The following PCDHA9 variants were observed in gnomAD, a reference collection of about 807,000 sequenced individuals.
PCDHA9 encodes the protein protocadherin alpha-9.
PCDHA9 carries 62 observed loss-of-function variants against 62.0 expected under a neutral mutation model. That is an observed-to-expected ratio of 1.00 (90% CI 0.81 to 1.23). PCDHA9 has a LOEUF of 1.23. PCDHA9 is among the 50% of genes most tolerant of loss of function. PCDHA9 has a pLI of 0.00. For synonymous variants in PCDHA9, 557 were observed against 567.6 expected, an observed-to-expected ratio of 0.98 and a Z score of 0.27; for missense variants, 1,205 against 1,249.8, an observed-to-expected ratio of 0.96 and a Z score of 0.54.
rs114173550 is a variant in PCDHA9, at chr5:140,996,928, G to T, written c.2543-12699G>T. Among the ~76,000 whole-genome samples the T allele has an allele frequency of 1.8e-3, 279 of 152,148 alleles. 1 individual carries two copies. Among genetic ancestry groups the T allele is most frequent in the Non-Finnish European group, 3.0e-3 (203 of 67,996 alleles). ...GTTGAAGTAAATATTAAAAAATATA[G>T]CATTTTTGCATAGAAATATTTATTT... On this transcript the variant is annotated intron_variant, in intron 3 of 3. Coordinates refer to ENST00000532602, the MANE Select transcript of PCDHA9 (RefSeq NM_031857.2).
intron 1 of PCDHA9, among the ~76,000 whole-genome samples, chr5:140,942,619 T>TA (rs35075175): frequency 5.6e-4 from 83 of 148,996 alleles, no homozygotes; most frequent in Non-Finnish European, 6.7e-4. Flanking sequence ...TTGCCAATTG[T>TA]AAAAAAAAAA....
At chr5:140,944,880 C>T (rs1275494519) in intron 1 of PCDHA9, among the ~76,000 whole-genome samples, 1 of 152,150 alleles carries the variant, frequency 6.6e-6, no homozygotes, top group Non-Finnish European at 1.5e-5. Flanking sequence ...ACCTACTCCA[C>T]TGTACAGTTC....
intron 1 of PCDHA9, 186 bp downstream of exon 1, chr5:140,851,075 A>C: frequency 7.4e-7 from 1 of 1,344,688 alleles, no homozygotes; most frequent in South Asian, 2.1e-5. Flanking sequence ...GAGAATTATA[A>C]ACTGTATATT....
At chr5:141,006,105 G>GT (rs79904017) in intron 3 of PCDHA9, among the ~76,000 whole-genome samples, 4,283 of 143,138 alleles carry the variant, frequency 0.03, 125 homozygotes, top group African/African-American at 0.081. Flanking sequence ...ATGGTAAGGA[G>GT]TTTTTTTTTT....
At chr5:140,984,433 T>C (rs2097103477) in intron 3 of PCDHA9, among the ~76,000 whole-genome samples, 1 of 152,182 alleles carries the variant, frequency 6.6e-6, no homozygotes, top group East Asian at 1.9e-4. Flanking sequence ...GAAGGGGATC[T>C]CCCTTGTTCC....
intron 3 of PCDHA9, among the ~76,000 whole-genome samples, chr5:141,007,362 G>A (rs1554261189): frequency 6.8e-6 from 1 of 146,590 alleles, no homozygotes; most frequent in Non-Finnish European, 1.5e-5. Context: ...ACCAGCCTGG[G>A]CAACATGATG....
intron 1 of PCDHA9, chr5:140,883,589 G>A (rs782300348): frequency 1.9e-6 from 3 of 1,614,014 alleles, no homozygotes; most frequent in East Asian, 2.2e-5. Context: ...CACGGCCAGC[G>A]TGTCGGTGGG....
At chr5:140,876,568 G>C (rs1302204057) in intron 1 of PCDHA9, 2 of 1,614,046 alleles carry the variant, frequency 1.2e-6, no homozygotes, top group African/African-American at 1.3e-5. Context: ...TGCTCAGGTG[G>C]GTACCGTCAT....
At chr5:140,863,267 C>T in intron 1 of PCDHA9, 1 of 1,457,902 alleles carries the variant, frequency 6.9e-7, no homozygotes, top group Non-Finnish European at 9.3e-7. Flanking sequence ...CGGGAGGCAG[C>T]GCTGGTGGAT....
intron 1 of PCDHA9, chr5:140,870,414 G>T: frequency 6.2e-7 from 1 of 1,614,230 alleles, no homozygotes; most frequent in Non-Finnish European, 8.5e-7. Context: ...TGTGGGCCAC[G>T]GCCAGGGTAT....
intron 1 of PCDHA9, among the ~76,000 whole-genome samples, chr5:140,908,762 C>T (rs962553584): frequency 7.9e-5 from 12 of 152,104 alleles, no homozygotes; most frequent in Admixed American, 2.6e-4. Flanking sequence ...ACAGCCTGGA[C>T]GTGTTGTAGA....
At chr5:140,977,227 A>G (rs149467858) in intron 1 of PCDHA9, among the ~76,000 whole-genome samples, 4 of 152,288 alleles carry the variant, frequency 2.6e-5, no homozygotes, top group African/African-American at 7.2e-5. Context: ...ATGTTACCCA[A>G]TCATAGAAAA....
Position 141,010,222 on chromosome 5 carries a change from C to T in PCDHA9, c.*285C>T. 6.4e-7 allele frequency: 1 copy of T among 1,551,730 alleles called. No homozygotes were observed. The highest frequency in any genetic ancestry group is 2.4e-5 in the East Asian group (1 of 40,912). ...CCTCCGCCGCAAAGGAGAGGCTTCC[C>T]AGCCCCGCCAGTGAGAGGTTGGACT... On this transcript the variant is annotated 3_prime_UTR_variant, in exon 4 of 4. Transcript: ENST00000532602.
At chr5:140,923,151 T>A (rs1239888412) in intron 1 of PCDHA9, among the ~76,000 whole-genome samples, 3 of 152,108 alleles carry the variant, frequency 2.0e-5, no homozygotes, top group Non-Finnish European at 4.4e-5. Context: ...ATAAAAAAAA[T>A]TATAGAAAGA....
At chr5:140,964,866 C>A (rs2095858965) in intron 1 of PCDHA9, among the ~76,000 whole-genome samples, 1 of 152,132 alleles carries the variant, frequency 6.6e-6, no homozygotes, top group Non-Finnish European at 1.5e-5. Flanking sequence ...ACAAAGAGGA[C>A]AAATAAGAAG....
Position 140,849,909 on chromosome 5 carries a change from T to A in PCDHA9, c.1414T>A (p.Cys472Ser). ...VFVKENNPPG[C>S]HIFTVSARDA... ...CGTGAAGGAGAACAACCCGCCGGGC[T>A]GCCACATCTTCACGGTGTCTGCGCG... The change falls in exon 1 of 4, where the codon TGC (cysteine) becomes AGC (serine). Residue 472 changes from cysteine (C) to serine (S), a missense_variant. By Grantham distance (112) the Cys-to-Ser change is moderately radical. This residue lies in a region of PCDHA9 where 887 missense variants were observed against 809.5 expected (regional missense o/e 1.10). Coordinates refer to ENST00000532602, the MANE Select transcript of PCDHA9 (RefSeq NM_031857.2). The A allele has an allele frequency of 3.8e-6, 6 of 1,598,300 alleles. 2 individuals carry two copies. The highest frequency in any genetic ancestry group is 5.1e-6 in the Non-Finnish European group (6 of 1,167,786).
At chr5:140,949,383 T>C (rs2094373133) in intron 1 of PCDHA9, among the ~76,000 whole-genome samples, 1 of 151,882 alleles carries the variant, frequency 6.6e-6, no homozygotes, top group Non-Finnish European at 1.5e-5. Flanking sequence ...TATCAATTGC[T>C]CAGAGAGCAG....
At position 140,850,728 on chromosome 5, in the gene PCDHA9, G is replaced by A. The variant is rs2150496245; in HGVS notation, c.2233G>A (p.Val745Met). The A allele has an allele frequency of 8.1e-6, 13 of 1,598,072 alleles. 2 individuals are homozygous for A. Among genetic ancestry groups the A allele is most frequent in the Non-Finnish European group, 1.1e-5 (13 of 1,167,642 alleles). The part of the protein sequence containing the change: ...GKPTLVCSSA[V>M]GSWSYSQQRR... The stretch of plus-strand genomic sequence containing the variant: ...GCCGACGCTGGTGTGTTCTAGCGCG[G>A]TGGGGAGTTGGTCGTACTCGCAGCA... Residue 745 changes from valine (V) to methionine (M), a missense_variant, in exon 1 of 4, where the codon GTG becomes ATG. This residue lies in a region of PCDHA9 where 887 missense variants were observed against 809.5 expected (regional missense o/e 1.10). Coordinates refer to ENST00000532602, the MANE Select transcript of PCDHA9 (RefSeq NM_031857.2).
chr5:140,905,643 A>G (rs532700036), intron 1 of PCDHA9, among the ~76,000 whole-genome samples: 1 of 152,306 alleles, frequency 6.6e-6, no homozygotes, highest in Non-Finnish European at 1.5e-5. Context: ...TCAGTTTCAC[A>G]GTATTGATTC....
Sources: allele counts gnomAD v4.1 joint callset (sites outside exome capture counted in the v4.1 genomes callset), GRCh38; gene constraint gnomAD v4.1.1; regional missense constraint gnomAD v4.1.1; transcripts MANE v1.5; gene names NCBI Gene and HGNC (gene_info 2026-07-23, HGNC 2026-07-21).